Variants in SYTL2 observed in about 807,000 individuals in gnomAD.
SYTL2 encodes synaptotagmin-like protein 2.
SYTL2 carries 165 observed loss-of-function variants against 198.7 expected under a neutral mutation model. That is an observed-to-expected ratio of 0.83 (90% CI 0.73 to 0.94). The LOEUF (loss-of-function observed/expected upper bound fraction) is 0.94, where lower values mean the gene tolerates loss of function less well. Ranked by LOEUF, SYTL2 falls within the 40% of genes least tolerant of loss-of-function variation. SYTL2 has a pLI of 0.00. For synonymous variants in SYTL2, 966 were observed against 917.7 expected (o/e 1.05, Z -0.95); for missense variants, 2,835 against 2,582.8 (o/e 1.10, Z -2.12).
At chr11:85,822,283 C>T in the SYTL2 span, among the ~76,000 whole-genome samples, 173 of 152,252 alleles carry the variant, frequency 1.1e-3, 1 homozygote, top group African/African-American at 4.1e-3. Flanking sequence ...ATGGCTACTG[C>T]TAACAAAAAA....
the SYTL2 span, among the ~76,000 whole-genome samples, chr11:85,851,567 C>A: frequency 1.3e-5 from 2 of 152,202 alleles, no homozygotes; most frequent in East Asian, 1.9e-4. Flanking sequence ...GCAAGGCTAA[C>A]AGAAAATCAA....
chr11:85,769,339 G>A (rs1285563784), intron 1 of SYTL2, among the ~76,000 whole-genome samples: 2 of 152,212 alleles, frequency 1.3e-5, no homozygotes, highest in Non-Finnish European at 2.9e-5. Context: ...CAGAAGGAGA[G>A]AGAGGAGATA....
rs183402440 is a variant in SYTL2 at position 85,787,665 on chromosome 11, A to G, written c.-390+23289T>C. 4.2e-3 allele frequency among the ~76,000 whole-genome samples: 620 copies of G among 146,088 alleles called. 7 individuals are homozygous for G. The highest frequency in any genetic ancestry group is 0.015 in the African/African-American group (584 of 39,458). On this transcript the variant is annotated intron_variant, in intron 1 of 19. Transcript: ENST00000359152. ...TGTCTTGGGCTTGGTCTCCTCCCCA[A>G]TGGTTTATTTCTTTTTTCTGTTTTT...
At chr11:85,755,668 A>G (rs666176) in intron 2 of SYTL2, among the ~76,000 whole-genome samples, 101,701 of 152,020 alleles carry the variant, frequency 0.67, 34,258 homozygotes, top group Middle Eastern at 0.72. Flanking sequence ...ATTTTCATCA[A>G]CCAATGCAAG....
At chr11:85,829,022 G>A in the SYTL2 span, among the ~76,000 whole-genome samples, 1 of 150,888 alleles carries the variant, frequency 6.6e-6, no homozygotes, top group African/African-American at 2.5e-5. Context: ...ACAGGATACT[G>A]GGCCACCATA....
Position 85,726,168 on chromosome 11 carries a change from G to A in SYTL2, c.3190C>T (p.Pro1064Ser), listed in dbSNP as rs767705025. The A allele has an allele frequency of 1.2e-6, 2 of 1,613,944 alleles. No homozygotes were observed. Among genetic ancestry groups the A allele is most frequent in the East Asian group, 2.2e-5 (1 of 44,866 alleles). ...LNSKGILQVL[P>S]DEITFPLSPL... Reference sequence around the variant, plus strand: ...CTCAAAGGAAATGTGATTTCATCTGGTAGCACCTGGAGTATGCCCTTTGAA... The same window carrying A: ...CTCAAAGGAAATGTGATTTCATCTGATAGCACCTGGAGTATGCCCTTTGAA... The change falls in exon 8 of 20, where the codon CCA becomes TCA. Residue 1064 changes from proline (P) to serine (S), a missense_variant. By Grantham distance (74) the Pro-to-Ser change is moderately conservative. This residue lies in a region of SYTL2 where 2,645 missense variants were observed against 2,381.7 expected (regional missense o/e 1.11). Transcript: ENST00000359152.
chr11:85,727,355 T>C lies in SYTL2; in HGVS notation c.2003A>G (p.Asn668Ser). 1 of 1,536,238 alleles carries C rather than the reference T, an allele frequency of 6.5e-7. No individual in the cohort carries two copies. The highest frequency in any genetic ancestry group is 8.7e-7 in the Non-Finnish European group (1 of 1,146,912). The change falls in exon 8 of 20, where the codon AAC becomes AGC. Residue 668 changes from asparagine to serine, a missense_variant. Asn to Ser is a conservative substitution (Grantham distance 46, BLOSUM62 1). Around this residue, in one of 3 missense-constraint regions of SYTL2, gnomAD observed 2,645 missense variants for 2,381.7 expected, o/e 1.11. Coordinates refer to ENST00000359152, the MANE Select transcript of SYTL2 (RefSeq NM_206927.4). ...TTCCTTGAGAACACTGTAGGAATAGTTACTATTTGAAGGAGATGCCCCATT... is the reference window on the plus strand; with the variant it reads ...TTCCTTGAGAACACTGTAGGAATAGCTACTATTTGAAGGAGATGCCCCATT... ...KGNGASPSNS[N>S]YSYSVLKESD...
Position 85,724,666 on chromosome 11 carries a change from A to G in SYTL2, c.4692T>C (p.Phe1564=). 1 of 1,613,998 alleles carries G rather than the reference A, an allele frequency of 6.2e-7. No individual in the cohort carries two copies. The highest frequency in any genetic ancestry group is 1.7e-5 in the Admixed American group (1 of 59,982). The change falls in exon 8 of 20, where the codon TTT becomes TTC. Residue 1564 remains phenylalanine (F), a synonymous_variant. Coordinates refer to ENST00000359152, the MANE Select transcript of SYTL2 (RefSeq NM_206927.4). ...AEAPLITESA[F]DAGFEKLLKE... Reference sequence around the variant, plus strand: ...TAAGAAGTTTCTCAAAACCAGCATCAAAAGCACTCTCAGTTATTAACGGAG... The same window carrying G: ...TAAGAAGTTTCTCAAAACCAGCATCGAAAGCACTCTCAGTTATTAACGGAG...
intron 17 of SYTL2, among the ~76,000 whole-genome samples, chr11:85,700,102 T>TA (rs1265976099): frequency 5.0e-4 from 71 of 143,318 alleles, no homozygotes; most frequent in South Asian, 1.3e-3. Flanking sequence ...TAAACTAAAC[T>TA]AAAAAAAAAA....
At chr11:85,755,207 G>A (rs562539075) in intron 2 of SYTL2, among the ~76,000 whole-genome samples, 13 of 152,166 alleles carry the variant, frequency 8.5e-5, no homozygotes, top group African/African-American at 3.1e-4. Flanking sequence ...GTCCCTTCAG[G>A]CCTAAAGCAA....
intron 3 of SYTL2, 129 bp downstream of exon 3, chr11:85,748,143 G>C (rs1300801125): frequency 9.2e-7 from 1 of 1,081,740 alleles, no homozygotes. Context: ...TTAAACTAGA[G>C]GGCCACACAT....
chr11:85,705,022 T>C lies in SYTL2; in HGVS notation c.6025A>G (p.Ile2009Val). 1 of 1,609,514 alleles carries C rather than the reference T, an allele frequency of 6.2e-7. No homozygotes were observed. Among genetic ancestry groups the C allele is most frequent in the Non-Finnish European group, 8.5e-7 (1 of 1,176,738 alleles). Residue 2009 changes from isoleucine to valine, a missense_variant, in exon 16 of 20, where the codon ATT (isoleucine) becomes GTT (valine). Ile to Val is a conservative substitution (Grantham distance 29). Coordinates refer to ENST00000359152, the MANE Select transcript of SYTL2 (RefSeq NM_206927.4). The stretch of plus-strand genomic sequence containing the variant: ...TGTGTCTTTAAGATTTGTTTTTCAA[T>C]TTTATACTGAAGTTCAAAGAAGAAA... Reference protein sequence around the residue: ...PVYNEILRYKIEKQILKTQKL... With the variant: ...PVYNEILRYKVEKQILKTQKL...
At chr11:85,761,136 G>A (rs1217539710) in intron 1 of SYTL2, among the ~76,000 whole-genome samples, 1 of 152,018 alleles carries the variant, frequency 6.6e-6, no homozygotes, top group Admixed American at 6.5e-5. Flanking sequence ...AGTTCATATG[G>A]CAATGGATGG....
At chr11:85,704,811 T>C (rs1333167123) in intron 16 of SYTL2, 47 bp downstream of exon 16, 7 of 1,541,194 alleles carry the variant, frequency 4.5e-6, no homozygotes, top group Non-Finnish European at 6.3e-6. Context: ...ATACACTAGG[T>C]ACCACATCAA....
intron 1 of SYTL2, among the ~76,000 whole-genome samples, chr11:85,759,133 C>A (rs2153555268): frequency 6.6e-6 from 1 of 151,786 alleles, no homozygotes; most frequent in African/African-American, 2.4e-5. Flanking sequence ...GTAATCCCAG[C>A]TACTCAGGAG....
chr11:85,745,702 G>A lies in SYTL2; in HGVS notation c.324C>T (p.Phe108=). ...CAACGCCAGCCAGCTCTGGAGGAAG[G>A]AAAGCATCTTTGTTGACATTATTCA... The part of the protein sequence containing the change: ...SWVNNVNKDA[F]LPPELAGVVE... The change falls in exon 4 of 20, where the codon TTC becomes TTT. Residue 108 remains phenylalanine (F), a synonymous_variant. Transcript: ENST00000359152. 2.5e-6 allele frequency: 4 copies of A among 1,613,870 alleles called. No homozygotes were observed. The highest frequency in any genetic ancestry group is 1.1e-5 in the South Asian group (1 of 91,070).
At chr11:85,733,862 G>C (rs751157380) in intron 7 of SYTL2, 77 bp downstream of exon 7, 1 of 1,201,488 alleles carries the variant, frequency 8.3e-7, no homozygotes, top group East Asian at 2.3e-5. Flanking sequence ...GCCTCCCAAA[G>C]TGCTGGGATT....
chr11:85,793,145 G>C (rs2092755634), intron 1 of SYTL2, among the ~76,000 whole-genome samples: 1 of 151,666 alleles, frequency 6.6e-6, no homozygotes. Flanking sequence ...TATATACCCA[G>C]TAATGGGATG....
At chr11:85,756,601 C>T (rs142106917) in intron 2 of SYTL2, among the ~76,000 whole-genome samples, 372 of 152,274 alleles carry the variant, frequency 2.4e-3, no homozygotes, top group African/African-American at 8.1e-3. Flanking sequence ...TCCCACTCCA[C>T]CCACCAACCG....
Sources: allele counts gnomAD v4.1 joint callset (sites outside exome capture counted in the v4.1 genomes callset), GRCh38; gene constraint gnomAD v4.1.1; regional missense constraint gnomAD v4.1.1; transcripts MANE v1.5; gene names NCBI Gene and HGNC (gene_info 2026-07-23, HGNC 2026-07-21).